The following IFT140 variants were observed in gnomAD, a reference collection of about 807,000 sequenced individuals.
The protein encoded by IFT140 is intraflagellar transport 140, also known as intraflagellar transport protein 140 homolog.
Under a neutral mutation model 164.6 loss-of-function variants are expected in IFT140, and 133 were observed. The observed-to-expected ratio is 0.81, with a 90% CI of 0.70 to 0.93. The LOEUF (loss-of-function observed/expected upper bound fraction) is 0.93, where lower values mean the gene tolerates loss of function less well. IFT140 is among the 40% of genes least tolerant of loss of function. IFT140 has a pLI of 0.00. For synonymous variants in IFT140, 860 were observed against 817.3 expected, an observed-to-expected ratio of 1.05 and a Z score of -0.89; for missense variants, 2,045 against 1,972.3, an observed-to-expected ratio of 1.04 and a Z score of -0.70.
At chr16:1,540,896 G>A (rs1270962587) in intron 19 of IFT140, 3 of 985,314 alleles carry the variant, frequency 3.0e-6, no homozygotes, top group Non-Finnish European at 1.2e-6. Flanking sequence ...TGCAGTCCCT[G>A]ACTCCAGGCT....
intron 19 of IFT140, among the ~76,000 whole-genome samples, chr16:1,549,029 G>A (rs1239207852): frequency 6.6e-6 from 1 of 152,222 alleles, no homozygotes; most frequent in Non-Finnish European, 1.5e-5. Context: ...CTCCAGCAGC[G>A]GTGCCCCTGC....
chr16:1,602,737 C>T (rs893684042), intron 3 of IFT140, 146 bp from the exon 4 acceptor site: 29 of 716,018 alleles, frequency 4.1e-5, no homozygotes, highest in South Asian at 1.6e-4. Flanking sequence ...GTCAGGAGTT[C>T]GAGACCAGCT....
intron 29 of IFT140, 34 bp from the exon 30 acceptor site, chr16:1,518,391 A>T (rs769098275): frequency 1.0e-5 from 16 of 1,596,962 alleles, no homozygotes; most frequent in Non-Finnish European, 1.1e-5. Flanking sequence ...TGGGCCCCGA[A>T]GCCCTGAACA....
chr16:1,584,189 C>T (rs1386070125), intron 11 of IFT140, 28 bp downstream of exon 11: 3 of 1,599,280 alleles, frequency 1.9e-6, no homozygotes, highest in Admixed American at 3.4e-5. Context: ...CTGTCTGTGT[C>T]CCACCCACGG....
At chr16:1,605,285 AAC>A (rs1260142590) in intron 3 of IFT140, among the ~76,000 whole-genome samples, 1 of 152,170 alleles carries the variant, frequency 6.6e-6, no homozygotes, top group Admixed American at 6.5e-5. Context: ...AGGACCCCAA[AAC>A]ACTCAGGGGG....
At chr16:1,520,453 G>C (rs2040488350) in intron 27 of IFT140, 110 bp from the exon 28 acceptor site, 1 of 1,359,254 alleles carries the variant, frequency 7.4e-7, no homozygotes, top group Non-Finnish European at 1.0e-6. Context: ...CTGCCCGGTA[G>C]AGAGAGATCT....
At chr16:1,566,618 G>A (rs935313250) in intron 15 of IFT140, among the ~76,000 whole-genome samples, 8 of 152,062 alleles carry the variant, frequency 5.3e-5, no homozygotes, top group African/African-American at 1.9e-4. Context: ...CGGGATAACC[G>A]TTCTCAGCTG....
rs373654203 is a variant in IFT140, at chr16:1,564,200, G to A, written c.1902-38C>T. 7.3e-6 allele frequency: 11 copies of A among 1,511,446 alleles called. No individual in the cohort carries two copies. Among genetic ancestry groups the A allele is most frequent in the Middle Eastern group, 1.8e-4 (1 of 5,636 alleles). The allele number at this position is 1,511,446 out of a possible 1,614,324, so 93.6% of individuals were successfully genotyped here. ...GGAAGACCCGTTTCAACCCCAGGGCGGGCACTCCTGCTACCAGTCTCCCTC... is the reference window on the plus strand; with the variant it reads ...GGAAGACCCGTTTCAACCCCAGGGCAGGCACTCCTGCTACCAGTCTCCCTC... On this transcript the variant is annotated intron_variant, in intron 16 of 30. Transcript: ENST00000426508. The surrounding 1 kb of genome is among the most constrained non-coding windows in gnomAD (Gnocchi z 5.5).
chr16:1,570,430 T>C (rs1305795893), intron 14 of IFT140, among the ~76,000 whole-genome samples: 1 of 152,184 alleles, frequency 6.6e-6, no homozygotes, highest in Non-Finnish European at 1.5e-5. Context: ...CTTGCTAATC[T>C]GTAACTCCCA....
At chr16:1,582,020 A>C (rs1290377016) in intron 12 of IFT140, among the ~76,000 whole-genome samples, 1 of 152,052 alleles carries the variant, frequency 6.6e-6, no homozygotes, top group Admixed American at 6.5e-5. Flanking sequence ...CGCCCTGGGA[A>C]GAGCATGACA....
At chr16:1,599,470 G>A (rs1596455510) in intron 4 of IFT140, among the ~76,000 whole-genome samples, 1 of 81,490 alleles carries the variant, frequency 1.2e-5, no homozygotes, top group African/African-American at 5.4e-5. Context: ...GGAGGGAGGT[G>A]GGGGGGTCGG....
In IFT140 at chr16:1,549,574, G is replaced by A. The variant is rs563910670; in HGVS notation, c.2399+8361C>T. ...AGGCTCTTCAGTAGCTGGGATTACA[G>A]GTGCCCGCCACCACGCCCGGCTAAT... On this transcript the variant is annotated intron_variant, in intron 19 of 30. Transcript: ENST00000426508. 3.2e-4 allele frequency among the ~76,000 whole-genome samples: 48 copies of A among 152,330 alleles called. 2 individuals carry two copies. In the South Asian group the frequency reaches 9.7e-3, roughly 31 times the overall value.
chr16:1,544,120 C>T (rs1039632320), intron 19 of IFT140, among the ~76,000 whole-genome samples: 18 of 150,792 alleles, frequency 1.2e-4, no homozygotes, highest in African/African-American at 2.2e-4. Flanking sequence ...TGGGTTCAAG[C>T]GATTCTCCTG....
At chr16:1,515,414 G>GGATTTTTTTT (rs1453648158) in intron 30 of IFT140, among the ~76,000 whole-genome samples, 1 of 152,142 alleles carries the variant, frequency 6.6e-6, no homozygotes, top group Non-Finnish European at 1.5e-5. Flanking sequence ...TGTCAAATCA[G>GGATTTTTTTT]GATTTTTTTT....
chr16:1,586,320 G>A (rs750619423), intron 9 of IFT140, 45 bp from the exon 10 acceptor site: 2 of 1,565,548 alleles, frequency 1.3e-6, no homozygotes, highest in Non-Finnish European at 8.7e-7. Context: ...TAAAAAAAGG[G>A]AACAAAACAG....
chr16:1,586,146 T>C lies in IFT140; in HGVS notation c.1139A>G (p.Asn380Ser), dbSNP rs768190754. ...AGGCTGTACCTGGATTTGCGTGATG[T>C]TTCCTTGGAGCTCGGTAGGGGTCTG... is the stretch of plus-strand genomic sequence containing the variant. ...ALQTPTELQG[N>S]ITQIQWGSRK... The change falls in exon 10 of 31, where the codon AAC becomes AGC. Residue 380 changes from asparagine (N) to serine (S), a missense_variant. Asn to Ser is a conservative substitution (Grantham distance 46, BLOSUM62 1). Transcript: ENST00000426508. The C allele has an allele frequency of 1.2e-6, 2 of 1,613,548 alleles. No homozygotes were observed. The highest frequency in any genetic ancestry group is 4.5e-5 in the East Asian group (2 of 44,882).
At position 1,569,607 on chromosome 16, in the gene IFT140, G is replaced by C. The variant is rs145923137; in HGVS notation, c.1653-1273C>G. ...CTTTTCTCTCTCCCTCTCTCTCTCT[G>C]AGACAGGATCTCTCACTCTGTCGCC... On this transcript the variant is annotated intron_variant, in intron 14 of 30. Coordinates refer to ENST00000426508, the MANE Select transcript of IFT140 (RefSeq NM_014714.4). Among the ~76,000 whole-genome samples the C allele has an allele frequency of 8.7e-4, 122 of 140,458 alleles. 1 individual carries two copies. In the East Asian group the frequency reaches 0.018, roughly 21 times the overall value. 92.1% of individuals were successfully genotyped at this position (140,458 alleles called of 152,430 possible).
chr16:1,608,458 C>T (rs768391078), intron 2 of IFT140, among the ~76,000 whole-genome samples: 2 of 151,852 alleles, frequency 1.3e-5, no homozygotes, highest in Non-Finnish European at 2.9e-5. Context: ...GCGAACGCCA[C>T]CCGCCTCTAC....
intron 3 of IFT140, among the ~76,000 whole-genome samples, chr16:1,604,778 G>T (rs972893583): frequency 2.0e-5 from 3 of 152,112 alleles, no homozygotes; most frequent in African/African-American, 7.2e-5. Context: ...AGAGGTTCCG[G>T]GGGAGAAACT....
Sources: gnomAD v4.1 joint callset for allele counts (sites outside exome capture counted in the v4.1 genomes callset) on GRCh38, gnomAD v4.1.1 for gene constraint, Gnocchi (gnomAD v3.1) non-coding constraint, MANE v1.5 for transcripts, NCBI Gene and HGNC (gene_info 2026-07-23, HGNC 2026-07-21) for gene names.